The following ST13 variants were observed in gnomAD, a reference collection of about 807,000 sequenced individuals.
ST13 encodes the protein hsc70-interacting protein.
ST13 carries 23 observed loss-of-function variants against 56.7 expected under a neutral mutation model. The observed-to-expected ratio is 0.41, with a 90% CI of 0.29 to 0.57. ST13 has a LOEUF of 0.57. Among genes scored for constraint, ST13 ranks in the 20% least tolerant of loss-of-function variants. The pLI is 0.36. For missense variants in ST13, 369 were observed against 459.9 expected, an observed-to-expected ratio of 0.80 and a Z score of 1.81; for synonymous variants, 132 against 142.4, an observed-to-expected ratio of 0.93 and a Z score of 0.52.
Position 40,850,889 on chromosome 22 carries a change from A to T in ST13, c.111-9T>A, listed in dbSNP as rs372578535. 1.3e-4 allele frequency: 204 copies of T among 1,585,356 alleles called. No individual in the cohort carries two copies. Among genetic ancestry groups the T allele is most frequent in the Middle Eastern group, 1.7e-4 (1 of 5,894 alleles). On this transcript the variant is annotated splice_polypyrimidine_tract_variant and intron_variant, in intron 1 of 11. Coordinates refer to ENST00000216218, the MANE Select transcript of ST13 (RefSeq NM_003932.5). ...GTACTTTACCACCCATGCTTGAAGA[A>T]GATGAGAAAAAAGATATTTGTTTAG...
chr22:40,852,034 C>A (rs562117669), intron 1 of ST13, among the ~76,000 whole-genome samples: 72 of 152,340 alleles, frequency 4.7e-4, no homozygotes, highest in African/African-American at 1.7e-3. Context: ...TGAACCACTG[C>A]GCCCGGCCTG....
At position 40,840,687 on chromosome 22, in the gene ST13, C is replaced by T. The variant is rs1208799787; in HGVS notation, c.321G>A (p.Thr107=). ...QEMGDENAEI[T]EEMMDQANDK... ...CATTTGCCTGATCCATCATCTCCTC[C>T]GTTATCTAGGAAGAAAATAAAAATC... Residue 107 remains threonine (T), a synonymous_variant, in exon 5 of 12, where the codon ACG becomes ACA. Coordinates refer to ENST00000216218, the MANE Select transcript of ST13 (RefSeq NM_003932.5). 10 of 1,606,792 alleles carry T rather than the reference C, an allele frequency of 6.2e-6. No homozygotes were observed. Among genetic ancestry groups the T allele is most frequent in the South Asian group, 3.3e-5 (3 of 89,798 alleles).
intron 1 of ST13, among the ~76,000 whole-genome samples, chr22:40,851,566 A>C (rs2057861308): frequency 6.6e-6 from 1 of 152,186 alleles, no homozygotes; most frequent in South Asian, 2.1e-4. Flanking sequence ...TTTGGTGCAG[A>C]CCCTATAGTA....
Position 40,856,530 on chromosome 22 carries a change from CG to C in ST13, c.10del (p.Arg4AlafsTer3). 6.2e-7 allele frequency: 1 copy of C among 1,612,312 alleles called. No individual in the cohort carries two copies. The highest frequency in any genetic ancestry group is 8.5e-7 in the Non-Finnish European group (1 of 1,179,658). On this transcript the variant is annotated frameshift_variant, in exon 1 of 12. Transcript: ENST00000216218. LOFTEE classifies it high-confidence loss of function. Reference protein sequence around the residue: MDPRKVNELRAFVK... With the variant: MDPXKVNELRAFVK... ...AAAGGCCCGAAGCTCGTTCACTTTG[CG>C]GGGGTCCATGGTAGGGAGGTGGTGG...
chr22:40,854,323 A>G (rs1329440091), intron 1 of ST13, among the ~76,000 whole-genome samples: 1 of 152,246 alleles, frequency 6.6e-6, no homozygotes, highest in Non-Finnish European at 1.5e-5. Context: ...AATAAAGAGA[A>G]AAAGCTTCTA....
At chr22:40,840,523 G>A (rs959313805) in intron 5 of ST13, 103 bp downstream of exon 5, 5 of 988,634 alleles carry the variant, frequency 5.1e-6, no homozygotes, top group Non-Finnish European at 7.8e-6. Flanking sequence ...ATCTTCTCCA[G>A]TATAGGACAG....
chr22:40,852,291 T>C (rs2057865608), intron 1 of ST13, among the ~76,000 whole-genome samples: 2 of 152,258 alleles, frequency 1.3e-5, no homozygotes, highest in Non-Finnish European at 2.9e-5. Flanking sequence ...GGCATCTCAT[T>C]GCAGTTGAGT....
rs1437277293 is a variant in ST13, at chr22:40,825,642, T to A, written c.*896A>T. The A allele has an allele frequency of 1.3e-5, 2 of 152,074 alleles. No individual in the cohort carries two copies. The highest frequency in any genetic ancestry group is 2.4e-5 in the African/African-American group (1 of 41,392). 9.4% of individuals were successfully genotyped at this position (152,074 alleles called of 1,614,324 possible). A position where few individuals can be genotyped will look rare whatever the true frequency, so the allele number is the denominator to read the frequency against. ...CTGTTAATGATGATAGCAGTGATGA[T>A]GCCGGTGGAAAAAGCCTGTCTTTAG... On this transcript the variant is annotated 3_prime_UTR_variant, in exon 12 of 12. Coordinates refer to ENST00000216218, the MANE Select transcript of ST13 (RefSeq NM_003932.5).
Position 40,832,549 on chromosome 22 carries a change from C to T in ST13, c.681+20G>A. 6.3e-7 allele frequency: 1 copy of T among 1,579,746 alleles called. No homozygotes were observed. The highest frequency in any genetic ancestry group is 8.7e-7 in the Non-Finnish European group (1 of 1,152,260). On this transcript the variant is annotated intron_variant, in intron 8 of 11. Coordinates refer to ENST00000216218, the MANE Select transcript of ST13 (RefSeq NM_003932.5). ...TGGAGTATTTAACTAATGACTTTCCCTTTCTCTACTTTGACATACCCTAGG... is the reference window on the plus strand; with the variant it reads ...TGGAGTATTTAACTAATGACTTTCCTTTTCTCTACTTTGACATACCCTAGG...
At chr22:40,838,020 A>G (rs1003525947) in intron 5 of ST13, among the ~76,000 whole-genome samples, 1 of 152,206 alleles carries the variant, frequency 6.6e-6, no homozygotes, top group African/African-American at 2.4e-5. Context: ...CTTCCCAACT[A>G]AACAAATGGC....
intron 8 of ST13, 99 bp downstream of exon 8, chr22:40,832,470 C>A (rs2057758443): frequency 2.3e-6 from 2 of 851,150 alleles, no homozygotes; most frequent in Admixed American, 4.1e-5. Flanking sequence ...TGGTTTGTTT[C>A]TTTGCCTGTT....
intron 4 of ST13, 34 bp from the exon 5 acceptor site, chr22:40,840,726 TAGAG>T (rs199774761): frequency 7.0e-6 from 11 of 1,566,214 alleles, no homozygotes; most frequent in South Asian, 3.4e-5. Context: ...TTAGAATTAG[TAGAG>T]AGAGAGAGAA....
At chr22:40,842,120 G>C (rs993751413) in intron 4 of ST13, among the ~76,000 whole-genome samples, 2 of 152,128 alleles carry the variant, frequency 1.3e-5, no homozygotes, top group African/African-American at 4.8e-5. Flanking sequence ...CTTTCATCTG[G>C]AATTCTGTAT....
intron 1 of ST13, among the ~76,000 whole-genome samples, chr22:40,855,962 TATC>T (rs1187595100): frequency 3.3e-5 from 5 of 152,094 alleles, no homozygotes; most frequent in Admixed American, 1.3e-4. Context: ...TTTTTACAGT[TATC>T]ATTTTTATTC....
In ST13 at chr22:40,825,064, T is replaced by C. The variant is rs1250164281; in HGVS notation, c.*1474A>G. ...ACACTAGCACTTTAAATTGAAACAC[T>C]GGTAGAAACGTAGCAATGTCAGGTA... On this transcript the variant is annotated 3_prime_UTR_variant, in exon 12 of 12. Coordinates refer to ENST00000216218, the MANE Select transcript of ST13 (RefSeq NM_003932.5). 1 of 152,170 alleles carries C rather than the reference T, an allele frequency of 6.6e-6. No homozygotes were observed. The highest frequency in any genetic ancestry group is 1.5e-5 in the Non-Finnish European group (1 of 68,024). The allele number at this position is 152,170 out of a possible 1,614,324, so 9.4% of individuals were successfully genotyped here. A position where few individuals can be genotyped will look rare whatever the true frequency, so the allele number is the denominator to read the frequency against.
chr22:40,845,367 TG>T (rs749677026), intron 3 of ST13, among the ~76,000 whole-genome samples: 14 of 151,546 alleles, frequency 9.2e-5, no homozygotes, highest in African/African-American at 2.4e-4. Context: ...AAAATAATTT[TG>T]GGGGGGGCAC....
chr22:40,836,770 T>TA (rs35102140), intron 5 of ST13, among the ~76,000 whole-genome samples: 5,123 of 152,320 alleles, frequency 0.034, 125 homozygotes, highest in Non-Finnish European at 0.055. Context: ...ATTCAACAAA[T>TA]AAAACACCCT....
At chr22:40,849,038 A>G (rs188422256) in intron 2 of ST13, among the ~76,000 whole-genome samples, 147 of 152,342 alleles carry the variant, frequency 9.6e-4, no homozygotes, top group Non-Finnish European at 1.3e-3. Flanking sequence ...TAGTCTCTCT[A>G]TATATGAAAC....
intron 3 of ST13, 76 bp from the exon 4 acceptor site, chr22:40,844,985 G>T: frequency 1.1e-6 from 1 of 904,714 alleles, no homozygotes. Context: ...ATTAAAAACT[G>T]ACATACTATG....
Sources: gnomAD v4.1 joint callset for allele counts (sites outside exome capture counted in the v4.1 genomes callset) on GRCh38, gnomAD v4.1.1 for gene constraint, MANE v1.5 for transcripts, NCBI Gene and HGNC (gene_info 2026-07-23, HGNC 2026-07-21) for gene names.